Variants in ALDH1A2 observed in about 807,000 individuals in gnomAD.
ALDH1A2 encodes aldehyde dehydrogenase 1 family member A2.
Under a neutral mutation model 60.3 loss-of-function variants are expected in ALDH1A2, and 27 were observed. That is an observed-to-expected ratio of 0.45 (90% CI 0.33 to 0.62). The LOEUF (loss-of-function observed/expected upper bound fraction) is 0.62. Among genes scored for constraint, ALDH1A2 ranks in the 20% least tolerant of loss-of-function variants. The pLI, the probability that ALDH1A2 is intolerant of heterozygous loss-of-function variation, is 0.02. For synonymous variants in ALDH1A2, 289 were observed against 232.4 expected (o/e 1.24, Z -2.21); for missense variants, 581 against 643.8 (o/e 0.90, Z 1.06).
intron 1 of ALDH1A2, among the ~76,000 whole-genome samples, chr15:58,049,939 C>T (rs1896734133): frequency 6.6e-6 from 1 of 151,982 alleles, no homozygotes; most frequent in Non-Finnish European, 1.5e-5. Flanking sequence ...CTGTCTTTCT[C>T]AGAATTCAGC....
intron 1 of ALDH1A2, among the ~76,000 whole-genome samples, chr15:58,021,946 C>T (rs1267928126): frequency 6.6e-6 from 1 of 152,174 alleles, no homozygotes; most frequent in Non-Finnish European, 1.5e-5. Flanking sequence ...GCTACCGCCA[C>T]CAGGGTAGGG....
chr15:58,043,027 C>CAGG (rs1896556492), intron 1 of ALDH1A2, among the ~76,000 whole-genome samples: 3 of 151,842 alleles, frequency 2.0e-5, no homozygotes. Flanking sequence ...TTCTACAGCA[C>CAGG]AGGAGGAGGA....
chr15:58,041,810 A>G (rs1432827528), intron 1 of ALDH1A2, among the ~76,000 whole-genome samples: 1 of 151,984 alleles, frequency 6.6e-6, no homozygotes, highest in Non-Finnish European at 1.5e-5. Context: ...AACTACTGGT[A>G]TAGTAATACA....
At chr15:57,998,189 T>A (rs1394234330) in intron 4 of ALDH1A2, among the ~76,000 whole-genome samples, 2 of 152,014 alleles carry the variant, frequency 1.3e-5, no homozygotes, top group African/African-American at 2.4e-5. Flanking sequence ...GTATTGGAAG[T>A]TCTGGCCAGT....
chr15:58,037,373 A>C (rs1211500760), intron 1 of ALDH1A2, among the ~76,000 whole-genome samples: 2 of 151,676 alleles, frequency 1.3e-5, no homozygotes, highest in East Asian at 1.9e-4. Context: ...AGGAAACAGG[A>C]AGAAGAGACT....
At position 58,031,613 on chromosome 15, in the gene ALDH1A2, C is replaced by T. The variant is rs149491597; in HGVS notation, c.118-17332G>A. Among the ~76,000 whole-genome samples the T allele has an allele frequency of 5.3e-5, 8 of 152,212 alleles. No homozygotes were observed. In the East Asian group the frequency reaches 1.5e-3, roughly 29 times the overall value. ...TGGGAGAAAATTTTTTCAATCTACC[C>T]ATCTGACACAGGGCTAATATCCAGA... On this transcript the variant is annotated intron_variant, in intron 1 of 12. Transcript: ENST00000249750.
chr15:57,963,870 T>C lies in ALDH1A2; in HGVS notation c.1086+15A>G, dbSNP rs745723972. The C allele has an allele frequency of 6.2e-7, 1 of 1,613,974 alleles. No individual in the cohort carries two copies. The highest frequency in any genetic ancestry group is 2.2e-5 in the East Asian group (1 of 44,862). On this transcript the variant is annotated intron_variant, in intron 9 of 12. Coordinates refer to ENST00000249750, the MANE Select transcript of ALDH1A2 (RefSeq NM_003888.4). ...AGGATTAAGTAAACAAAGGGAATGG[T>C]TATGATTTTTCTACCTGGGGACCCT...
chr15:58,020,289 A>G (rs1403878879), intron 1 of ALDH1A2, among the ~76,000 whole-genome samples: 1 of 152,212 alleles, frequency 6.6e-6, no homozygotes, highest in Non-Finnish European at 1.5e-5. Flanking sequence ...ATACGTGTGC[A>G]TGTATCTTTA....
At chr15:58,041,425 A>G (rs916145714) in intron 1 of ALDH1A2, among the ~76,000 whole-genome samples, 1 of 151,904 alleles carries the variant, frequency 6.6e-6, no homozygotes, top group Non-Finnish European at 1.5e-5. Flanking sequence ...CGCTTAGTTC[A>G]TTCAAGCTTC....
intron 4 of ALDH1A2, among the ~76,000 whole-genome samples, chr15:57,995,833 T>C (rs974134380): frequency 3.3e-5 from 5 of 152,254 alleles, no homozygotes; most frequent in African/African-American, 1.2e-4. Context: ...TTGTTTTCCT[T>C]ACAGGAGTAA....
chr15:58,030,282 CA>C (rs1379184352), intron 1 of ALDH1A2, among the ~76,000 whole-genome samples: 1 of 152,108 alleles, frequency 6.6e-6, no homozygotes, highest in Admixed American at 6.6e-5. Flanking sequence ...GAACCAAGGA[CA>C]AAAACCACAT....
chr15:58,021,485 C>T (rs766342639), intron 1 of ALDH1A2, among the ~76,000 whole-genome samples: 8 of 152,154 alleles, frequency 5.3e-5, no homozygotes, highest in African/African-American at 1.2e-4. Context: ...ACATCCCCAC[C>T]GTGGAATTGT....
At chr15:57,971,124 A>G (rs1894049714) in intron 7 of ALDH1A2, among the ~76,000 whole-genome samples, 1 of 152,134 alleles carries the variant, frequency 6.6e-6, no homozygotes, top group Admixed American at 6.6e-5. Flanking sequence ...CATTCCCACC[A>G]CCACTCACCC....
At chr15:58,000,360 T>A (rs1205902027) in intron 4 of ALDH1A2, among the ~76,000 whole-genome samples, 1 of 151,886 alleles carries the variant, frequency 6.6e-6, no homozygotes, top group African/African-American at 2.4e-5. Flanking sequence ...CAGAAGTCAT[T>A]CACAGCTACT....
At chr15:58,041,449 C>T (rs1896516395) in intron 1 of ALDH1A2, among the ~76,000 whole-genome samples, 2 of 151,806 alleles carry the variant, frequency 1.3e-5, no homozygotes, top group African/African-American at 4.8e-5. Context: ...AACAAAATAC[C>T]ATCAACTTTG....
chr15:58,012,015 G>A (rs1895647374), intron 3 of ALDH1A2: 1 of 152,120 alleles, frequency 6.6e-6, no homozygotes, highest in Non-Finnish European at 1.5e-5. Flanking sequence ...TACTTTGGAT[G>A]CAGGATTAGC....
intron 1 of ALDH1A2, among the ~76,000 whole-genome samples, chr15:58,063,738 T>C (rs1169939742): frequency 6.6e-6 from 1 of 152,160 alleles, no homozygotes; most frequent in Non-Finnish European, 1.5e-5. Context: ...AAGGCAAAAA[T>C]AAGGTACCTC....
intron 7 of ALDH1A2, among the ~76,000 whole-genome samples, chr15:57,981,296 A>ACACG (rs1195507326): frequency 7.1e-6 from 1 of 141,812 alleles, no homozygotes; most frequent in African/African-American, 3.0e-5. Flanking sequence ...GCAAACACAC[A>ACACG]CACACACACA....
In ALDH1A2 at chr15:57,974,499, A is replaced by C. The variant is rs1025171703; in HGVS notation, c.799-8672T>G. Among the ~76,000 whole-genome samples, 43 of 152,142 alleles carry C rather than the reference A, an allele frequency of 2.8e-4. 1 individual carries two copies. Among genetic ancestry groups the C allele is most frequent in the African/African-American group, 1.0e-3 (43 of 41,522 alleles). ...AATATGGAAAATTTATGCTTGAAAA[A>C]AGCAAGCATCACAAAGGCAATTCAG... On this transcript the variant is annotated intron_variant, in intron 7 of 12. Coordinates refer to ENST00000249750, the MANE Select transcript of ALDH1A2 (RefSeq NM_003888.4).
Sources: gnomAD v4.1 joint callset for allele counts (sites outside exome capture counted in the v4.1 genomes callset) on GRCh38, gnomAD v4.1.1 for gene constraint, MANE v1.5 for transcripts, NCBI Gene and HGNC (gene_info 2026-07-23, HGNC 2026-07-21) for gene names.